The following OTUD7A variants were observed in gnomAD, a reference collection of about 807,000 sequenced individuals.
OTUD7A encodes the protein OTU deubiquitinase 7A, also known as OTU domain-containing protein 7A.
OTUD7A carries 12 observed loss-of-function variants against 65.7 expected under a neutral mutation model. The observed-to-expected ratio is 0.18, with a 90% CI of 0.12 to 0.30. The LOEUF (loss-of-function observed/expected upper bound fraction) is 0.30. OTUD7A is among the 10% of genes least tolerant of loss of function. The probability of loss-of-function intolerance (pLI) is 1.00; values close to 1 mark genes in which losing one functional copy is unlikely to be tolerated. For synonymous variants in OTUD7A, 641 were observed against 586.3 expected, an observed-to-expected ratio of 1.09 and a Z score of -1.35; for missense variants, 1,148 against 1,304.8, an observed-to-expected ratio of 0.88 and a Z score of 1.85.
chr15:31,704,431 G>A (rs1269681363), intron 1 of OTUD7A, among the ~76,000 whole-genome samples: 1 of 128,582 alleles, frequency 7.8e-6, no homozygotes, highest in East Asian at 3.8e-4. Context: ...TCTCTGCCTA[G>A]CTTTATTGGG....
At chr15:31,492,070 G>T (rs968406488) in intron 10 of OTUD7A, among the ~76,000 whole-genome samples, 1 of 152,216 alleles carries the variant, frequency 6.6e-6, no homozygotes, top group Non-Finnish European at 1.5e-5. Flanking sequence ...GATGGAAATG[G>T]AATAAATGGA....
At position 31,770,735 on chromosome 15, in the gene OTUD7A, T is replaced by C. The variant is rs529005546; in HGVS notation, c.-100+99772A>G. 3.3e-5 allele frequency among the ~76,000 whole-genome samples: 5 copies of C among 152,156 alleles called. No individual in the cohort carries two copies. In the South Asian group the frequency reaches 1.0e-3, roughly 32 times the overall value. On this transcript the variant is annotated intron_variant, in intron 1 of 12. Transcript: ENST00000307050. ...GACCAATTTGAATTTATTCCAGTAA[T>C]AGAAGGTTGGTTTATCATTAGAAAA...
chr15:31,775,089 TACACACACACAC>T (rs3046535), intron 1 of OTUD7A, among the ~76,000 whole-genome samples: 90 of 148,122 alleles, frequency 6.1e-4, no homozygotes, highest in African/African-American at 2.1e-3. Context: ...TCCATGCATT[TACACACACACAC>T]ACACACACAC....
intron 3 of OTUD7A, among the ~76,000 whole-genome samples, chr15:31,609,933 G>A (rs566989180): frequency 3.5e-4 from 54 of 152,238 alleles, no homozygotes; most frequent in Admixed American, 1.5e-3. Context: ...GCCCAGAGCC[G>A]GGCAGACTTG....
At chr15:31,619,033 T>C (rs953595406) in intron 3 of OTUD7A, among the ~76,000 whole-genome samples, 2 of 152,222 alleles carry the variant, frequency 1.3e-5, no homozygotes, top group Non-Finnish European at 2.9e-5. Flanking sequence ...AAATAGGGAA[T>C]CCTTTCCCCA....
At chr15:31,583,305 C>A (rs1889428745) in intron 3 of OTUD7A, among the ~76,000 whole-genome samples, 1 of 152,176 alleles carries the variant, frequency 6.6e-6, no homozygotes, top group South Asian at 2.1e-4. Flanking sequence ...GATGCAGTTG[C>A]ACAGATGCAT....
chr15:31,598,609 GT>G (rs539157832), intron 3 of OTUD7A, among the ~76,000 whole-genome samples: 2 of 151,624 alleles, frequency 1.3e-5, no homozygotes, highest in South Asian at 2.1e-4. Context: ...GTTGCAGGAG[GT>G]TTTTTTTTCC....
chr15:31,838,082 T>C (rs966037471), intron 1 of OTUD7A, among the ~76,000 whole-genome samples: 7 of 152,158 alleles, frequency 4.6e-5, no homozygotes, highest in Admixed American at 6.6e-5. Context: ...AGCAAAAAAG[T>C]GAACTTTGAT....
intron 1 of OTUD7A, among the ~76,000 whole-genome samples, chr15:31,763,273 A>T (rs35289235): frequency 0.042 from 6,406 of 152,012 alleles, 260 homozygotes; most frequent in African/African-American, 0.11. Context: ...ACAGAGCGAG[A>T]CTCCATCTCA....
At chr15:31,790,225 A>G (rs1895779433) in intron 1 of OTUD7A, among the ~76,000 whole-genome samples, 1 of 152,184 alleles carries the variant, frequency 6.6e-6, no homozygotes, top group Non-Finnish European at 1.5e-5. Context: ...CAGGGCCTGT[A>G]AAAACTAGGC....
intron 6 of OTUD7A, among the ~76,000 whole-genome samples, chr15:31,530,483 C>G (rs765416889): frequency 6.6e-6 from 1 of 152,202 alleles, no homozygotes; most frequent in Non-Finnish European, 1.5e-5. Flanking sequence ...CCTTCTATCA[C>G]GCCAGGTCTT....
chr15:31,784,887 G>A (rs1463078429), intron 1 of OTUD7A, among the ~76,000 whole-genome samples: 1 of 152,206 alleles, frequency 6.6e-6, no homozygotes, highest in Non-Finnish European at 1.5e-5. Flanking sequence ...TATTGAGAAA[G>A]AGTAGGGGAA....
intron 8 of OTUD7A, among the ~76,000 whole-genome samples, chr15:31,521,091 C>T (rs541028526): frequency 6.6e-6 from 1 of 152,264 alleles, no homozygotes; most frequent in South Asian, 2.1e-4. Flanking sequence ...TACATATGGA[C>T]AGGCAGAATG....
chr15:31,605,921 A>C (rs1305403412), intron 3 of OTUD7A, among the ~76,000 whole-genome samples: 1 of 152,154 alleles, frequency 6.6e-6, no homozygotes, highest in East Asian at 1.9e-4. Flanking sequence ...CCAGTGAACC[A>C]TTTCTGCTGG....
rs2041247396 is a variant in OTUD7A, at chr15:31,487,056, G to A, written c.1371+138C>T. 2.6e-6 allele frequency: 2 copies of A among 767,172 alleles called. No individual in the cohort carries two copies. Among genetic ancestry groups the A allele is most frequent in the Non-Finnish European group, 4.2e-6 (2 of 470,838 alleles). The allele number at this position is 767,172 out of a possible 1,614,324, so 47.5% of individuals were successfully genotyped here. ...AAGGAGGTGGAGGAGCTACTGGGCT[G>A]TGGGTATGGCTGGGGTGGGCGGCCG... On this transcript the variant is annotated intron_variant, in intron 12 of 12. Transcript: ENST00000307050. The surrounding 1 kb of genome is among the most constrained non-coding windows in gnomAD (Gnocchi z 6.0).
chr15:31,796,721 A>G (rs1397115737), intron 1 of OTUD7A, among the ~76,000 whole-genome samples: 1 of 151,180 alleles, frequency 6.6e-6, no homozygotes, highest in East Asian at 1.9e-4. Context: ...ACTTATATTT[A>G]GACAGAGCTT....
chr15:31,528,489 C>G (rs986196375), intron 6 of OTUD7A, among the ~76,000 whole-genome samples: 1 of 152,260 alleles, frequency 6.6e-6, no homozygotes, highest in African/African-American at 2.4e-5. Flanking sequence ...TTCAAAGGCT[C>G]AACTGGCTGG....
intron 1 of OTUD7A, among the ~76,000 whole-genome samples, chr15:31,749,734 G>T (rs139308530): frequency 6.6e-6 from 1 of 151,794 alleles, no homozygotes; most frequent in African/African-American, 2.4e-5. Context: ...AGAAATAAAA[G>T]GTGTACAATT....
intron 3 of OTUD7A, among the ~76,000 whole-genome samples, chr15:31,631,323 T>G (rs1394385802): frequency 2.0e-5 from 3 of 152,130 alleles, no homozygotes; most frequent in Non-Finnish European, 4.4e-5. Flanking sequence ...GTCTGTAAAG[T>G]ATTTTATTTC....
Sources: gnomAD v4.1 joint callset for allele counts (sites outside exome capture counted in the v4.1 genomes callset) on GRCh38, gnomAD v4.1.1 for gene constraint, Gnocchi (gnomAD v3.1) non-coding constraint, MANE v1.5 for transcripts, NCBI Gene and HGNC (gene_info 2026-07-23, HGNC 2026-07-21) for gene names.